The following RHOBTB1 variants were observed in gnomAD, a reference collection of about 807,000 sequenced individuals.
The protein encoded by RHOBTB1 is Rho related BTB domain containing 1.
Under a neutral mutation model 71.6 loss-of-function variants are expected in RHOBTB1, and 40 were observed. That is an observed-to-expected ratio of 0.56 (90% confidence interval 0.43 to 0.73). The LOEUF is 0.73. Ranked by LOEUF, RHOBTB1 falls within the 30% of genes least tolerant of loss-of-function variation. The pLI, the probability that RHOBTB1 is intolerant of heterozygous loss-of-function variation, is 0.00. For synonymous variants in RHOBTB1, 319 were observed against 334.9 expected (o/e 0.95, Z 0.52); for missense variants, 797 against 894.0 (o/e 0.89, Z 1.38).
intron 10 of RHOBTB1, 32 bp from the exon 11 acceptor site, chr10:60,871,683 T>G: frequency 6.2e-7 from 1 of 1,600,250 alleles, no homozygotes. Flanking sequence ...CCATAAGACC[T>G]GCGGTTCATT....
At chr10:60,977,304 G>A (rs1354934529) in intron 2 of RHOBTB1, among the ~76,000 whole-genome samples, 2 of 152,006 alleles carry the variant, frequency 1.3e-5, no homozygotes, top group Non-Finnish European at 2.9e-5. Flanking sequence ...GCAATATGGA[G>A]AAATAATGCC....
intron 2 of RHOBTB1, among the ~76,000 whole-genome samples, chr10:60,952,220 CTG>C (rs1353258514): frequency 6.6e-6 from 1 of 152,130 alleles, no homozygotes; most frequent in Non-Finnish European, 1.5e-5. Flanking sequence ...ATGGTGTTAT[CTG>C]TTCTACTGTG....
At chr10:60,918,751 C>CT (rs113890954) in intron 2 of RHOBTB1, among the ~76,000 whole-genome samples, 1,698 of 144,562 alleles carry the variant, frequency 0.012, 9 homozygotes, top group African/African-American at 0.019. Context: ...TTTTCTTTTT[C>CT]TTTTTTTTTT....
At chr10:60,871,857 T>A (rs2080803562) in intron 10 of RHOBTB1, among the ~76,000 whole-genome samples, 1 of 152,200 alleles carries the variant, frequency 6.6e-6, no homozygotes, top group Non-Finnish European at 1.5e-5. Context: ...ACAGAGAACC[T>A]GAACCCAGGA....
chr10:60,885,006 A>G (rs937263485), intron 7 of RHOBTB1, among the ~76,000 whole-genome samples: 3 of 151,752 alleles, frequency 2.0e-5, no homozygotes, highest in Non-Finnish European at 4.4e-5. Context: ...GTAGCTTTGA[A>G]CTCCTGGGCT....
At chr10:60,898,919 C>T (rs2082280913) in intron 4 of RHOBTB1, among the ~76,000 whole-genome samples, 1 of 152,176 alleles carries the variant, frequency 6.6e-6, no homozygotes, top group Admixed American at 6.5e-5. Flanking sequence ...CCACCAAACC[C>T]TAAGGTAGAT....
intron 2 of RHOBTB1, among the ~76,000 whole-genome samples, chr10:60,972,972 A>C (rs1366315630): frequency 6.6e-6 from 1 of 152,062 alleles, no homozygotes; most frequent in Non-Finnish European, 1.5e-5. Flanking sequence ...TTTTAGTTTG[A>C]AAAAATGGGG....
At chr10:60,898,212 T>A (rs2082252293) in intron 4 of RHOBTB1, among the ~76,000 whole-genome samples, 1 of 152,178 alleles carries the variant, frequency 6.6e-6, no homozygotes, top group Admixed American at 6.5e-5. Flanking sequence ...TTTGTCACTG[T>A]GCATGAGTCC....
intron 2 of RHOBTB1, among the ~76,000 whole-genome samples, chr10:60,982,354 G>T (rs1385470978): frequency 1.3e-5 from 2 of 152,156 alleles, no homozygotes; most frequent in African/African-American, 4.8e-5. Flanking sequence ...AGGTGATGTG[G>T]AGTTCCTTCT....
At chr10:60,936,805 C>T (rs1218064320) in intron 2 of RHOBTB1, among the ~76,000 whole-genome samples, 1 of 152,116 alleles carries the variant, frequency 6.6e-6, no homozygotes, top group Non-Finnish European at 1.5e-5. Flanking sequence ...GCAATTAATT[C>T]CTTGGTAAAA....
chr10:60,966,043 A>G (rs1377046563), intron 2 of RHOBTB1, among the ~76,000 whole-genome samples: 2 of 152,176 alleles, frequency 1.3e-5, no homozygotes, highest in Non-Finnish European at 2.9e-5. Context: ...AATCAGACAA[A>G]TATGGCAAAT....
intron 2 of RHOBTB1, among the ~76,000 whole-genome samples, chr10:60,960,318 ATTG>A (rs2085735576): frequency 6.6e-6 from 1 of 152,194 alleles, no homozygotes; most frequent in Non-Finnish European, 1.5e-5. Flanking sequence ...AGAACCCCCT[ATTG>A]ATTATGCTGG....
chr10:60,872,190 G>T lies in RHOBTB1; in HGVS notation c.1916C>A (p.Ser639Tyr). The T allele has an allele frequency of 1.2e-6, 2 of 1,611,820 alleles. No individual in the cohort carries two copies. The highest frequency in any genetic ancestry group is 1.7e-6 in the Non-Finnish European group (2 of 1,177,898). The change falls in exon 10 of 11, where the codon TCT (serine) becomes TAT (tyrosine). Residue 639 changes from serine to tyrosine, a missense_variant. By Grantham distance (144) the Ser-to-Tyr change is moderately radical (BLOSUM62 -2). Transcript: ENST00000337910. ...GGGGCCTCACACAGTCTCACCTGCAGATTTTGATTTGATTTCCTTACGGAA... is the reference window on the plus strand; with the variant it reads ...GGGGCCTCACACAGTCTCACCTGCATATTTTGATTTGATTTCCTTACGGAA... ...SKFRKEIKSK[S>Y]ADNQEYFERH...
chr10:60,998,072 T>G (rs74155438), intron 1 of RHOBTB1, among the ~76,000 whole-genome samples: 3,688 of 152,300 alleles, frequency 0.024, 160 homozygotes, highest in African/African-American at 0.084. Context: ...GAGCTTCAGT[T>G]TCCTCTGCCG....
chr10:60,871,771 G>C, intron 10 of RHOBTB1, 120 bp from the exon 11 acceptor site: 8 of 894,424 alleles, frequency 8.9e-6, no homozygotes, highest in Non-Finnish European at 1.4e-5. Flanking sequence ...CAGAGACTGT[G>C]ATTAGGGCCA....
chr10:60,994,779 T>C (rs577258383), intron 1 of RHOBTB1, among the ~76,000 whole-genome samples: 5 of 152,236 alleles, frequency 3.3e-5, no homozygotes, highest in South Asian at 4.2e-4. Context: ...TGATGTACCT[T>C]AAACCAATCT....
At chr10:60,949,871 C>G (rs1157430799) in intron 2 of RHOBTB1, among the ~76,000 whole-genome samples, 1 of 151,964 alleles carries the variant, frequency 6.6e-6, no homozygotes, top group Non-Finnish European at 1.5e-5. Context: ...TACTGGGCAC[C>G]AATGAAATGT....
intron 2 of RHOBTB1, among the ~76,000 whole-genome samples, chr10:60,939,684 G>A (rs2134159561): frequency 6.6e-6 from 1 of 152,270 alleles, no homozygotes; most frequent in South Asian, 2.1e-4. Flanking sequence ...CCTAAAACAT[G>A]GAGCCAGAGG....
At chr10:60,867,397 T>C (rs1589129501), downstream of RHOBTB1, among the ~76,000 whole-genome samples, 1 of 152,330 alleles carries the variant, frequency 6.6e-6, no homozygotes. Flanking sequence ...TGAGAACATA[T>C]TCAAAGAACT....
Sources: gnomAD v4.1 joint callset for allele counts (sites outside exome capture counted in the v4.1 genomes callset) on GRCh38, gnomAD v4.1.1 for gene constraint, MANE v1.5 for transcripts, NCBI Gene and HGNC (gene_info 2026-07-23, HGNC 2026-07-21) for gene names.